Variants in FAM120AOS observed in about 807,000 individuals in gnomAD.
The protein encoded by FAM120AOS is uncharacterized protein FAM120AOS.
A neutral mutation model predicts 20.2 loss-of-function variants in FAM120AOS; 15 were observed. The ratio of observed to expected loss-of-function variants is 0.74; its 90% confidence interval spans 0.50 to 1.15. FAM120AOS has a LOEUF of 1.15. Ranked by LOEUF, FAM120AOS falls within the 50% of genes most tolerant of loss-of-function variation. The pLI is 0.00. For missense variants in FAM120AOS, 327 were observed against 351.9 expected, an observed-to-expected ratio of 0.93 and a Z score of 0.57; for synonymous variants, 154 against 154.0, an observed-to-expected ratio of 1.00 and a Z score of 0.00.
At chr9:93,451,204 G>C (rs1250386651) in intron 1 of FAM120AOS, 3 of 1,531,538 alleles carry the variant, frequency 2.0e-6, no homozygotes, top group Non-Finnish European at 2.6e-6. Flanking sequence ...GGCCCAGAGT[G>C]GTGCGAGCCG....
At position 93,452,469 on chromosome 9, in the gene FAM120AOS, C is replaced by T. The variant is rs767607276; in HGVS notation, c.241G>A (p.Ala81Thr). The change falls in exon 1 of 3, where the codon GCG becomes ACG. Residue 81 changes from alanine to threonine, a missense_variant. Coordinates refer to ENST00000375412, the MANE Select transcript of FAM120AOS (RefSeq NM_198841.4). The surrounding 1 kb of genome is among the most constrained non-coding windows in gnomAD (Gnocchi z 7.0). ...TRCPQRRHGR[A>T]TFCALGRGIG... is the part of the protein sequence containing the mutation. ...CCCCTTCCCAGGGCGCAGAATGTCGCCCGGCCGTGGCGGCGCTGGGGGCAG... is the reference window on the plus strand; with the variant it reads ...CCCCTTCCCAGGGCGCAGAATGTCGTCCGGCCGTGGCGGCGCTGGGGGCAG... The T allele has an allele frequency of 6.5e-7, 1 of 1,546,336 alleles. No homozygotes were observed.
intron 1 of FAM120AOS, chr9:93,451,021 T>C (rs1857139552): frequency 1.3e-6 from 2 of 1,547,658 alleles, no homozygotes; most frequent in East Asian, 2.4e-5. Flanking sequence ...TATGGTGTGT[T>C]TGGCCATGTC....
rs1044232496 is a variant in FAM120AOS at position 93,445,367 on chromosome 9, C to CTA, written c.*2242_*2243dup. On this transcript the variant is annotated 3_prime_UTR_variant, in exon 3 of 3. Coordinates refer to ENST00000375412, the MANE Select transcript of FAM120AOS (RefSeq NM_198841.4). ...TTTCCCCATATTAAAGTCAAAGGAACTATACTGTTTTCACTGCCAGGCTGG... is the reference window on the plus strand; with the variant it reads ...TTTCCCCATATTAAAGTCAAAGGAACTATATACTGTTTTCACTGCCAGGCTGG... Among the ~76,000 whole-genome samples, 5 of 152,106 alleles carry CTA rather than the reference C, an allele frequency of 3.3e-5. No individual in the cohort carries two copies. The highest frequency in any genetic ancestry group is 1.2e-4 in the African/African-American group (5 of 41,414).
intron 1 of FAM120AOS, chr9:93,451,720 A>G: frequency 1.0e-6 from 1 of 973,170 alleles, no homozygotes; most frequent in Non-Finnish European, 1.2e-6. Context: ...CGGCGGCGGC[A>G]GGTCCCTCCC....
rs1479491185 is a variant in FAM120AOS, at chr9:93,443,359, T to C, written c.*4252A>G. Reference sequence around the variant, plus strand: ...CAAAAATATTTACTTTATTGTTTCCTTATACATTTCTAACAGTACAAGATT... The same window carrying C: ...CAAAAATATTTACTTTATTGTTTCCCTATACATTTCTAACAGTACAAGATT... On this transcript the variant is annotated 3_prime_UTR_variant, in exon 3 of 3. Transcript: ENST00000375412. 1.3e-5 allele frequency among the ~76,000 whole-genome samples: 2 copies of C among 152,224 alleles called. No homozygotes were observed. The highest frequency in any genetic ancestry group is 2.9e-5 in the Non-Finnish European group (2 of 68,044).
chr9:93,452,065 C>G lies in FAM120AOS; in HGVS notation c.563+82G>C. On this transcript the variant is annotated intron_variant, in intron 1 of 2. Coordinates refer to ENST00000375412, the MANE Select transcript of FAM120AOS (RefSeq NM_198841.4). The surrounding 1 kb of genome is among the most constrained non-coding windows in gnomAD (Gnocchi z 7.0). ...CCCCGCTGCGCCTGCTGGTGGACGC[C>G]GACAACTGCCTGCACCGCCTCTACG... is the stretch of plus-strand genomic sequence containing the variant. The G allele has an allele frequency of 1.9e-6, 3 of 1,595,730 alleles. No individual in the cohort carries two copies. Among genetic ancestry groups the G allele is most frequent in the Non-Finnish European group, 1.7e-6 (2 of 1,171,890 alleles).
chr9:93,449,487 C>T (rs1856992257), intron 2 of FAM120AOS, among the ~76,000 whole-genome samples: 2 of 134,234 alleles, frequency 1.5e-5, no homozygotes, highest in African/African-American at 2.7e-5. Flanking sequence ...GATACTGGCA[C>T]TGGCATTTTT....
chr9:93,452,993 G>T lies in FAM120AOS; in HGVS notation c.-284C>A. ...CCCTGTCCGTGTTCCTCTTAGTACA[G>T]GGTGTTTAGAGAATCTTTCTATGGC... On this transcript the variant is annotated 5_prime_UTR_variant, in exon 1 of 3. The change creates a new upstream start codon in the 5' untranslated region. Coordinates refer to ENST00000375412, the MANE Select transcript of FAM120AOS (RefSeq NM_198841.4). The surrounding 1 kb of genome is among the most constrained non-coding windows in gnomAD (Gnocchi z 7.0). 7.8e-7 allele frequency: 1 copy of T among 1,290,056 alleles called. No individual in the cohort carries two copies. The highest frequency in any genetic ancestry group is 9.8e-7 in the Non-Finnish European group (1 of 1,018,694). The allele number at this position is 1,290,056 out of a possible 1,614,324, so 79.9% of individuals were successfully genotyped here.
Position 93,448,858 on chromosome 9 carries a change from T to C in FAM120AOS, c.685-1161A>G, listed in dbSNP as rs544272528. 2.0e-5 allele frequency among the ~76,000 whole-genome samples: 3 copies of C among 152,102 alleles called. No individual in the cohort carries two copies. The South Asian group carries it at 6.2e-4, about 32-fold the overall frequency. ...CAGGATGGTCTGGATTTCCTGACCTTGTGATCCGCCCACCTCAGCCTCCCA... is the reference window on the plus strand; with the variant it reads ...CAGGATGGTCTGGATTTCCTGACCTCGTGATCCGCCCACCTCAGCCTCCCA... On this transcript the variant is annotated intron_variant, in intron 2 of 2. Coordinates refer to ENST00000375412, the MANE Select transcript of FAM120AOS (RefSeq NM_198841.4).
At chr9:93,451,148 G>T in intron 1 of FAM120AOS, 1 of 1,550,456 alleles carries the variant, frequency 6.4e-7, no homozygotes, top group Non-Finnish European at 8.7e-7. Flanking sequence ...AGGCGCGGCC[G>T]GCCAGCATCC....
chr9:93,451,676 G>A (rs1197358049), intron 1 of FAM120AOS: 1 of 970,626 alleles, frequency 1.0e-6, no homozygotes, highest in Non-Finnish European at 1.2e-6. Flanking sequence ...CCTCAGCCTC[G>A]GCCTCGGCCT....
rs1156773480 is a variant in FAM120AOS, at chr9:93,445,590, T to TG, written c.*2020_*2021insC. 1.4e-5 allele frequency among the ~76,000 whole-genome samples: 2 copies of TG among 141,834 alleles called. No individual in the cohort carries two copies. The highest frequency in any genetic ancestry group is 5.4e-5 in the African/African-American group (2 of 37,278). 93.0% of individuals were successfully genotyped at this position (141,834 alleles called of 152,430 possible). A position where few individuals can be genotyped will look rare whatever the true frequency, so the allele number is the denominator to read the frequency against. The stretch of plus-strand genomic sequence containing the variant: ...ACTTTCATAAAAATCGTTGTTTTTT[T>TG]TTTTTTTTTTTTTTTTTGAGACAAG... On this transcript the variant is annotated 3_prime_UTR_variant, in exon 3 of 3. Transcript: ENST00000375412.
intron 1 of FAM120AOS, chr9:93,451,876 G>A (rs1451234872): frequency 7.2e-6 from 7 of 974,896 alleles, no homozygotes; most frequent in Non-Finnish European, 8.9e-6. Flanking sequence ...CGGCCCCGCC[G>A]CCCCCCGCCC....
At chr9:93,448,770 A>T (rs1268837480) in intron 2 of FAM120AOS, among the ~76,000 whole-genome samples, 3 of 151,660 alleles carry the variant, frequency 2.0e-5, no homozygotes, top group Non-Finnish European at 4.4e-5. Flanking sequence ...GGCGCCTGCC[A>T]CCACGCCCGG....
rs186269888 is a variant in FAM120AOS at position 93,449,946 on chromosome 9, T to C, written c.684+533A>G. The stretch of plus-strand genomic sequence containing the variant: ...AAAAGCAAATTTGGATATTTCTGGA[T>C]TTTGCTCGTTATTTAATGGCTAACT... On this transcript the variant is annotated intron_variant, in intron 2 of 2. Transcript: ENST00000375412. 2.7e-3 allele frequency among the ~76,000 whole-genome samples: 405 copies of C among 151,984 alleles called. 1 individual carries two copies. The highest frequency in any genetic ancestry group is 9.1e-3 in the African/African-American group (379 of 41,432).
At chr9:93,450,814 G>T (rs1037087902) in intron 1 of FAM120AOS, 1 of 935,096 alleles carries the variant, frequency 1.1e-6, no homozygotes. Flanking sequence ...CCTCCTTCCA[G>T]AAGATGCTAC....
rs559990575 is a variant in FAM120AOS at position 93,451,340 on chromosome 9, G to C, written c.564-741C>G. 28 of 1,432,294 alleles carry C rather than the reference G, an allele frequency of 2.0e-5. No homozygotes were observed. The Admixed American group carries it at 5.4e-4, about 28-fold the overall frequency. 88.7% of individuals were successfully genotyped at this position (1,432,294 alleles called of 1,614,324 possible). On this transcript the variant is annotated intron_variant, in intron 1 of 2. Coordinates refer to ENST00000375412, the MANE Select transcript of FAM120AOS (RefSeq NM_198841.4). Reference sequence around the variant, plus strand: ...AGCTCTTCCCCAGGACCTGCTTCGCGGCTTCCCTTCGCCCGAGAACCACCG... The same window carrying C: ...AGCTCTTCCCCAGGACCTGCTTCGCCGCTTCCCTTCGCCCGAGAACCACCG...
At chr9:93,449,553 G>C (rs1330697325) in intron 2 of FAM120AOS, among the ~76,000 whole-genome samples, 1 of 141,180 alleles carries the variant, frequency 7.1e-6, no homozygotes, top group African/African-American at 2.7e-5. Flanking sequence ...GGAGTGCAGT[G>C]GCGTGATCAC....
chr9:93,451,665 C>CCCTCAGCCTCGG (rs1268022525), intron 1 of FAM120AOS: 2 of 981,800 alleles, frequency 2.0e-6, no homozygotes, highest in African/African-American at 1.8e-5. Context: ...CCCGCCCCGG[C>CCCTCAGCCTCGG]CCTCAGCCTC....
Sources: allele counts gnomAD v4.1 joint callset (sites outside exome capture counted in the v4.1 genomes callset), GRCh38; gene constraint gnomAD v4.1.1; non-coding constraint Gnocchi (gnomAD v3.1); transcripts MANE v1.5; gene names NCBI Gene and HGNC (gene_info 2026-07-23, HGNC 2026-07-21).